The following AP2A1 variants were observed in gnomAD, a reference collection of about 807,000 sequenced individuals.
AP2A1 encodes the protein adaptor related protein complex 2 subunit alpha 1.
In AP2A1, 21 loss-of-function variants were observed where a neutral mutation model predicts 107.3. The observed-to-expected ratio is 0.20, with a 90% confidence interval of 0.14 to 0.28. AP2A1 has a LOEUF of 0.28. Ranked by LOEUF, AP2A1 falls within the 10% of genes least tolerant of loss-of-function variation. AP2A1 has a pLI of 1.00. For synonymous variants in AP2A1, 602 were observed against 564.8 expected, an observed-to-expected ratio of 1.07 and a Z score of -0.93; for missense variants, 873 against 1,307.7, an observed-to-expected ratio of 0.67 and a Z score of 5.13.
In AP2A1 at chr19:49,806,273, G is replaced by A. The variant is rs1187311825; in HGVS notation, c.2790+20G>A. The A allele has an allele frequency of 1.3e-6, 2 of 1,580,594 alleles. No homozygotes were observed. The highest frequency in any genetic ancestry group is 2.3e-5 in the South Asian group (2 of 87,524). On this transcript the variant is annotated intron_variant, in intron 22 of 22. Coordinates refer to ENST00000354293, the MANE Select transcript of AP2A1 (RefSeq NM_130787.3). The stretch of plus-strand genomic sequence containing the variant: ...GCCCAGGTGAGTGCTGCTGTGGGAG[G>A]CCTGAGGCCGGCAGGAAGGCCGCCT...
At chr19:49,793,893 TG>T (rs1232739426) in intron 6 of AP2A1, among the ~76,000 whole-genome samples, 1 of 147,872 alleles carries the variant, frequency 6.8e-6, no homozygotes, top group Non-Finnish European at 1.5e-5. Context: ...ATCCACTCAT[TG>T]TTTCTTTTTT....
At position 49,773,884 on chromosome 19, in the gene AP2A1, T is replaced by G. The variant is rs112208904; in HGVS notation, c.67+6684T>G. ...ATTGTGCTTGTAGTGGAGCAGGGAC[T>G]TAGGAGGAGGAGAGGGCAGCTCCTG... On this transcript the variant is annotated intron_variant, in intron 1 of 22. Transcript: ENST00000354293. Among the ~76,000 whole-genome samples, 630 of 152,168 alleles carry G rather than the reference T, an allele frequency of 4.1e-3. 6 individuals carry two copies. Among genetic ancestry groups the G allele is most frequent in the African/African-American group, 0.014 (597 of 41,496 alleles).
At chr19:49,784,817 A>G (rs79483010) in intron 4 of AP2A1, among the ~76,000 whole-genome samples, 30,750 of 151,934 alleles carry the variant, frequency 0.2, 3,292 homozygotes, top group South Asian at 0.38. Context: ...GCAGTGAGCT[A>G]TGATCTCATC....
chr19:49,802,578 C>A lies in AP2A1; in HGVS notation c.2115-371C>A, dbSNP rs376399764. 1.7e-5 allele frequency: 28 copies of A among 1,603,324 alleles called. No individual in the cohort carries two copies. The African/African-American group carries it at 3.5e-4, about 20-fold the overall frequency. ...CCCGAGAGCCCCATGGCTTTGCTGG[C>A]TGACCCAGCTCCAGCTGCTGAGTAA... On this transcript the variant is annotated intron_variant, in intron 15 of 22. Transcript: ENST00000354293.
chr19:49,799,949 T>C lies in AP2A1; in HGVS notation c.1273-19T>C, dbSNP rs774649528. 3.7e-6 allele frequency: 6 copies of C among 1,610,948 alleles called. No individual in the cohort carries two copies. The highest frequency in any genetic ancestry group is 5.1e-6 in the Non-Finnish European group (6 of 1,177,560). On this transcript the variant is annotated intron_variant, in intron 10 of 22. Transcript: ENST00000354293. ...GACATGGCCTGCGGCACACTCTCTC[T>C]CACACGCCCCGGCGGCAGGTCCTGA...
intron 9 of AP2A1, 55 bp downstream of exon 9, chr19:49,799,550 G>A (rs1483227005): frequency 6.2e-7 from 1 of 1,602,484 alleles, no homozygotes; most frequent in Non-Finnish European, 8.5e-7. Context: ...AAAGACCAGA[G>A]GCTCAGAGGC....
At chr19:49,803,598 A>G in intron 18 of AP2A1, 1 of 565,666 alleles carries the variant, frequency 1.8e-6, no homozygotes, top group East Asian at 3.1e-5. Flanking sequence ...TACTTCCAGA[A>G]CTCCACCTGC....
chr19:49,802,115 G>A lies in AP2A1; in HGVS notation c.2088G>A (p.Gly696=). The A allele has an allele frequency of 6.3e-7, 1 of 1,583,002 alleles. No individual in the cohort carries two copies. Among genetic ancestry groups the A allele is most frequent in the South Asian group, 1.1e-5 (1 of 88,582 alleles). Reference sequence around the variant, plus strand: ...GCCCGGCCGCCCAGCCCAGCCTGGGGCCCACCCCCGAGGAGGCCTTCCTCA... The same window carrying A: ...GCCCGGCCGCCCAGCCCAGCCTGGGACCCACCCCCGAGGAGGCCTTCCTCA... ...FDGPAAQPSL[G]PTPEEAFLSP... is the part of the protein sequence containing the mutation. Residue 696 remains glycine (G), a synonymous_variant, in exon 15 of 23, where the codon GGG becomes GGA. Transcript: ENST00000354293.
At position 49,803,074 on chromosome 19, in the gene AP2A1, ACCC is replaced by A. The variant is rs761294082; in HGVS notation, c.2172-30_2172-28del. The A allele has an allele frequency of 1.9e-6, 3 of 1,613,382 alleles. No individual in the cohort carries two copies. In the South Asian group the frequency reaches 3.3e-5, roughly 18 times the overall value. On this transcript the variant is annotated intron_variant, in intron 16 of 22. Transcript: ENST00000354293. Reference sequence around the variant, plus strand: ...GAGCCCAGGCCAGGTGCAGACAGGCACCCCCGTCATCTTGCGCCCCCTGCCCCC... The same window carrying A: ...GAGCCCAGGCCAGGTGCAGACAGGCACCGTCATCTTGCGCCCCCTGCCCCC...
chr19:49,797,198 G>A (rs1393714028), intron 7 of AP2A1: 5 of 152,170 alleles, frequency 3.3e-5, no homozygotes, highest in Non-Finnish European at 7.3e-5. Context: ...CTGGGCCTGA[G>A]GACACACCAA....
At position 49,788,373 on chromosome 19, in the gene AP2A1, G is replaced by A. The variant is rs897825838; in HGVS notation, c.474-3562G>A. 6.6e-6 allele frequency among the ~76,000 whole-genome samples: 1 copy of A among 152,186 alleles called. No homozygotes were observed. Among genetic ancestry groups the A allele is most frequent in the Non-Finnish European group, 1.5e-5 (1 of 68,038 alleles). The stretch of plus-strand genomic sequence containing the variant: ...ATAAATAGCTCTTATTCCTTTGTGT[G>A]GTATCCTTATCTGTAAATGGAGATG... On this transcript the variant is annotated intron_variant, in intron 4 of 22. Transcript: ENST00000354293. The surrounding 1 kb of genome is among the most constrained non-coding windows in gnomAD (Gnocchi z 4.5).
At chr19:49,776,156 C>T (rs1013894445) in intron 1 of AP2A1, among the ~76,000 whole-genome samples, 1 of 152,058 alleles carries the variant, frequency 6.6e-6, no homozygotes, top group Non-Finnish European at 1.5e-5. Flanking sequence ...TCTGGAGAGG[C>T]TGCGTGGTCT....
rs1481897555 is a variant in AP2A1, at chr19:49,785,600, C to T, written c.473+2876C>T. ...GGAGGGAGAGAGATCTGAGAGAGAT[C>T]GGCACCGTCCAATAAAAATATAATG... On this transcript the variant is annotated intron_variant, in intron 4 of 22. Transcript: ENST00000354293. This position sits in a 1 kb window ranked among gnomAD's most constrained non-coding sequence, Gnocchi z 4.1. Among the ~76,000 whole-genome samples the T allele has an allele frequency of 3.3e-5, 5 of 151,812 alleles. No individual in the cohort carries two copies. The highest frequency in any genetic ancestry group is 2.1e-4 in the South Asian group (1 of 4,806).
intron 6 of AP2A1, among the ~76,000 whole-genome samples, chr19:49,793,898 CTTTT>C (rs956804227): frequency 2.7e-5 from 2 of 74,584 alleles, no homozygotes; most frequent in African/African-American, 5.1e-5. Flanking sequence ...CTCATTGTTT[CTTTT>C]TTTTTTTTTT....
chr19:49,800,800 T>C, intron 11 of AP2A1, 161 bp from the exon 12 acceptor site: 1 of 574,776 alleles, frequency 1.7e-6, no homozygotes, highest in Admixed American at 3.3e-5. Context: ...CTGTGTGAGC[T>C]TGGGCCCGTC....
chr19:49,798,867 C>T lies in AP2A1; in HGVS notation c.880C>T (p.Pro294Ser), dbSNP rs895148644. 5.0e-6 allele frequency: 8 copies of T among 1,592,868 alleles called. No homozygotes were observed. Among genetic ancestry groups the T allele is most frequent in the Admixed American group, 1.8e-5 (1 of 56,520 alleles). Residue 294 changes from proline (P) to serine (S), a missense_variant, in exon 8 of 23, where the codon CCC becomes TCC. This residue lies in a region of AP2A1 where 213 missense variants were observed against 443.5 expected (regional missense o/e 0.48). Coordinates refer to ENST00000354293, the MANE Select transcript of AP2A1 (RefSeq NM_130787.3). ...GACTGTGCTCAACAAGGCCCAGGAG[C>T]CCCCCAAATCCAAGAAGGTGCAGCA... is the stretch of plus-strand genomic sequence containing the variant. ...LETVLNKAQE[P>S]PKSKKVQHSN...
chr19:49,782,243 G>A (rs1307649189), intron 3 of AP2A1, among the ~76,000 whole-genome samples, 154 bp downstream of exon 3: 1 of 149,774 alleles, frequency 6.7e-6, no homozygotes, highest in Non-Finnish European at 1.5e-5. Context: ...CTGGACTGCT[G>A]GGTCTGAGGG....
intron 4 of AP2A1, among the ~76,000 whole-genome samples, chr19:49,791,634 G>A (rs1568581558): frequency 6.6e-6 from 1 of 152,226 alleles, no homozygotes; most frequent in Non-Finnish European, 1.5e-5. Flanking sequence ...GGAGTGAACA[G>A]CAGTGCCTGG....
intron 22 of AP2A1, 188 bp downstream of exon 22, chr19:49,806,441 C>T: frequency 2.1e-6 from 3 of 1,431,056 alleles, no homozygotes; most frequent in Non-Finnish European, 2.7e-6. Context: ...TCTGGTGTTC[C>T]TCTCCTCTTC....
Sources: gnomAD v4.1 joint callset for allele counts (sites outside exome capture counted in the v4.1 genomes callset) on GRCh38, gnomAD v4.1.1 for gene constraint, gnomAD v4.1.1 regional missense constraint, Gnocchi (gnomAD v3.1) non-coding constraint, MANE v1.5 for transcripts, NCBI Gene and HGNC (gene_info 2026-07-23, HGNC 2026-07-21) for gene names.